CTNNA2: variants seen among roughly 807,000 people sequenced by gnomAD.
CTNNA2 encodes the protein catenin alpha 2, also known as catenin alpha-2.
Under a neutral mutation model 101.0 loss-of-function variants are expected in CTNNA2, and 42 were observed. That is an observed-to-expected ratio of 0.42 (90% CI 0.32 to 0.54). The LOEUF (loss-of-function observed/expected upper bound fraction) is 0.54, where lower values mean the gene tolerates loss of function less well. Among genes scored for constraint, CTNNA2 ranks in the 20% least tolerant of loss-of-function variants. The probability of loss-of-function intolerance (pLI) is 0.14; values close to 1 mark genes in which losing one functional copy is unlikely to be tolerated. For synonymous variants in CTNNA2, 450 were observed against 456.4 expected (o/e 0.99, Z 0.18); for missense variants, 871 against 1,223.1 (o/e 0.71, Z 4.29).
At chr2:80,021,304 G>A (rs1461780593) in intron 7 of CTNNA2, among the ~76,000 whole-genome samples, 1 of 152,108 alleles carries the variant, frequency 6.6e-6, no homozygotes, top group Non-Finnish European at 1.5e-5. Context: ...ACAGGTGTGA[G>A]CCACCACGCC....
At chr2:80,385,113 C>T (rs1676878222) in intron 7 of CTNNA2, among the ~76,000 whole-genome samples, 1 of 151,992 alleles carries the variant, frequency 6.6e-6, no homozygotes, top group African/African-American at 2.4e-5. Flanking sequence ...ACAAGCAAAA[C>T]AATTATTTTA....
intron 2 of CTNNA2, among the ~76,000 whole-genome samples, chr2:79,301,475 G>A (rs1676105670): frequency 6.6e-6 from 1 of 152,200 alleles, no homozygotes. Context: ...GTTGGCCCAA[G>A]CCATGGTCTT....
chr2:80,456,292 A>C (rs1683972235), intron 9 of CTNNA2, among the ~76,000 whole-genome samples: 1 of 152,084 alleles, frequency 6.6e-6, no homozygotes, highest in Non-Finnish European at 1.5e-5. Flanking sequence ...TGGCCACTTT[A>C]ATATCCCCTG....
At chr2:80,170,497 T>C (rs889497910) in intron 7 of CTNNA2, among the ~76,000 whole-genome samples, 6 of 152,190 alleles carry the variant, frequency 3.9e-5, no homozygotes, top group African/African-American at 1.4e-4. Context: ...CAGTATGTGC[T>C]GGTAAACTGA....
chr2:79,344,824 T>C (rs1379638128), intron 3 of CTNNA2, among the ~76,000 whole-genome samples: 2 of 145,718 alleles, frequency 1.4e-5, no homozygotes, highest in African/African-American at 2.5e-5. Flanking sequence ...ATATATATAA[T>C]ATATAATATA....
chr2:79,656,961 T>A (rs997577222), intron 2 of CTNNA2, among the ~76,000 whole-genome samples: 4 of 151,710 alleles, frequency 2.6e-5, no homozygotes, highest in African/African-American at 9.7e-5. Flanking sequence ...AATAGGCACA[T>A]CCAGTAAAAG....
chr2:80,514,694 T>A (rs567840122), intron 9 of CTNNA2, among the ~76,000 whole-genome samples: 1 of 152,140 alleles, frequency 6.6e-6, no homozygotes, highest in African/African-American at 2.4e-5. Context: ...AGTTAAGCCA[T>A]CTCTCCTCCA....
intron 7 of CTNNA2, among the ~76,000 whole-genome samples, chr2:80,325,006 G>A (rs751392741): frequency 5.3e-5 from 8 of 152,124 alleles, no homozygotes; most frequent in Non-Finnish European, 1.2e-4. Flanking sequence ...ATGTTCCTAT[G>A]TATGTATATT....
chr2:79,467,508 A>C (rs1183340114), intron 4 of CTNNA2, among the ~76,000 whole-genome samples: 4 of 152,310 alleles, frequency 2.6e-5, no homozygotes, highest in Admixed American at 6.5e-5. Flanking sequence ...CAACATTTAA[A>C]TTCAGGAAAT....
At chr2:80,214,270 T>G (rs1279388399) in intron 7 of CTNNA2, among the ~76,000 whole-genome samples, 4 of 152,188 alleles carry the variant, frequency 2.6e-5, no homozygotes, top group Non-Finnish European at 2.9e-5. Flanking sequence ...GTTAGCTGGT[T>G]ATTTTGCTCA....
intron 18 of CTNNA2, among the ~76,000 whole-genome samples, chr2:80,629,236 C>A (rs1190243573): frequency 6.6e-6 from 1 of 152,114 alleles, no homozygotes; most frequent in African/African-American, 2.4e-5. Context: ...CAGCAGTGAG[C>A]AACCAACGAA....
At chr2:80,545,390 A>G (rs1448475242) in intron 10 of CTNNA2, among the ~76,000 whole-genome samples, 1 of 151,092 alleles carries the variant, frequency 6.6e-6, no homozygotes, top group African/African-American at 2.5e-5. Flanking sequence ...CTACAAAAAA[A>G]TAAACTAGCT....
intron 2 of CTNNA2, among the ~76,000 whole-genome samples, chr2:79,200,201 T>C (rs1451421645): frequency 3.3e-5 from 5 of 152,226 alleles, no homozygotes; most frequent in Middle Eastern, 6.8e-3. Context: ...CTGGCCAATA[T>C]GGTGAAACCC....
chr2:79,967,638 A>G (rs976732457), intron 7 of CTNNA2, among the ~76,000 whole-genome samples: 1 of 152,238 alleles, frequency 6.6e-6, no homozygotes, highest in African/African-American at 2.4e-5. Context: ...CAAACAATCC[A>G]TAAAACTCAG....
intron 6 of CTNNA2, among the ~76,000 whole-genome samples, chr2:79,885,534 C>T (rs977532378): frequency 4.6e-5 from 7 of 152,298 alleles, no homozygotes; most frequent in Admixed American, 4.6e-4. Flanking sequence ...TGTTCTGTCC[C>T]TTCTCAATTC....
At chr2:79,912,764 A>G (rs78783017) in intron 7 of CTNNA2, among the ~76,000 whole-genome samples, 10 of 152,314 alleles carry the variant, frequency 6.6e-5, no homozygotes, top group African/African-American at 2.4e-4. Context: ...CGCGGCCTAT[A>G]GATGTTAATT....
chr2:80,474,015 G>C (rs747223537), intron 9 of CTNNA2, among the ~76,000 whole-genome samples: 1 of 152,178 alleles, frequency 6.6e-6, no homozygotes, highest in Non-Finnish European at 1.5e-5. Flanking sequence ...TGCAGGCACA[G>C]CTGCCCCTTG....
chr2:79,790,266 A>G (rs1416985990), intron 3 of CTNNA2, among the ~76,000 whole-genome samples: 2 of 152,202 alleles, frequency 1.3e-5, no homozygotes, highest in Non-Finnish European at 2.9e-5. Flanking sequence ...TAGGAAAATT[A>G]CCAAGCCAAA....
At chr2:79,414,716 A>C (rs1307179071) in intron 4 of CTNNA2, among the ~76,000 whole-genome samples, 4 of 152,030 alleles carry the variant, frequency 2.6e-5, no homozygotes, top group Admixed American at 2.6e-4. Flanking sequence ...AACCCCTATA[A>C]TACCAGATGC....
Sources: allele counts gnomAD v4.1 joint callset (sites outside exome capture counted in the v4.1 genomes callset), GRCh38; gene constraint gnomAD v4.1.1; transcripts MANE v1.5; gene names NCBI Gene and HGNC (gene_info 2026-07-23, HGNC 2026-07-21).